The following ACSL6 variants were observed in gnomAD, a reference collection of about 807,000 sequenced individuals.
ACSL6 encodes the protein long-chain-fatty-acid--CoA ligase 6.
In ACSL6, 47 loss-of-function variants were observed where a neutral mutation model predicts 98.2. The ratio of observed to expected loss-of-function variants is 0.48; its 90% CI spans 0.38 to 0.61. The LOEUF (loss-of-function observed/expected upper bound fraction) is 0.61. Ranked by LOEUF, ACSL6 falls within the 20% of genes least tolerant of loss-of-function variation. The probability of loss-of-function intolerance (pLI) is 0.00; values close to 1 mark genes in which losing one functional copy is unlikely to be tolerated. For synonymous variants in ACSL6, 362 were observed against 336.9 expected, an observed-to-expected ratio of 1.07 and a Z score of -0.82; for missense variants, 761 against 913.4, an observed-to-expected ratio of 0.83 and a Z score of 2.15.
rs571229269 is a variant in ACSL6, at chr5:131,972,827, C to T, written c.1235G>A (p.Arg412His). Reference protein sequence around the residue: ...IFSQANTPLKRWLLEFAAKRK... With the variant: ...IFSQANTPLKHWLLEFAAKRK... ...CTTTGCTGCAAACTCCAGGAGCCAG[C>T]GCTTTAATGGTGTGTTTGCCTGGCT... is the stretch of plus-strand genomic sequence containing the variant. Residue 412 changes from arginine to histidine, a missense_variant, in exon 13 of 21, where the codon CGC becomes CAC. Transcript: ENST00000651883. The T allele has an allele frequency of 3.7e-6, 6 of 1,614,074 alleles. No individual in the cohort carries two copies. The highest frequency in any genetic ancestry group is 1.1e-5 in the South Asian group (1 of 91,086).
At chr5:131,990,042 GC>G (rs1277283816) in intron 4 of ACSL6, 57 bp downstream of exon 4, 104 of 1,578,390 alleles carry the variant, frequency 6.6e-5, no homozygotes, top group Non-Finnish European at 8.9e-5. Flanking sequence ...CTCCCTACCT[GC>G]CCTGAGTGCC....
chr5:131,976,715 G>A lies in ACSL6; in HGVS notation c.923C>T (p.Pro308Leu). ...VCFTSGTTGN[P>L]KGAMLTHGNV... ...CCCATGGGTGAGCATCGCACCTTTT[G>A]GGTTCCCTATAAAAAGAAAGCAAGA... The change falls in exon 10 of 21, where the codon CCA becomes CTA. Residue 308 changes from proline (P) to leucine (L), a missense_variant. Physicochemically the swap from Pro to Leu is moderately conservative, Grantham distance 98. Transcript: ENST00000651883. The A allele has an allele frequency of 1.9e-6, 3 of 1,614,076 alleles. No individual in the cohort carries two copies. The highest frequency in any genetic ancestry group is 2.7e-5 in the African/African-American group (2 of 75,026).
chr5:131,962,763 T>A, intron 17 of ACSL6, 85 bp from the exon 18 acceptor site: 2 of 1,494,660 alleles, frequency 1.3e-6, no homozygotes, highest in South Asian at 2.5e-5. Context: ...CTCCCTGCCC[T>A]ACCCCACCCT....
At chr5:131,970,411 ATTTT>A in intron 14 of ACSL6, among the ~76,000 whole-genome samples, 1 of 139,640 alleles carries the variant, frequency 7.2e-6, no homozygotes, top group East Asian at 2.1e-4. Flanking sequence ...AAGAAGTGCT[ATTTT>A]TTTTTTTTTT....
intron 6 of ACSL6, chr5:131,988,549 G>A (rs764630435): frequency 9.0e-6 from 14 of 1,547,288 alleles, no homozygotes; most frequent in Middle Eastern, 1.7e-4. Flanking sequence ...ACTTCAGAGG[G>A]CTGTACCCTG....
intron 1 of ACSL6, among the ~76,000 whole-genome samples, chr5:132,002,705 G>C (rs773798010): frequency 1.3e-5 from 2 of 152,200 alleles, no homozygotes; most frequent in Non-Finnish European, 2.9e-5. Flanking sequence ...GGCTATCGAA[G>C]AGGGACAGAA....
rs920733434 is a variant in ACSL6, at chr5:131,952,598, A to G, written c.*1636T>C. On this transcript the variant is annotated 3_prime_UTR_variant, in exon 21 of 21. Coordinates refer to ENST00000651883, the MANE Select transcript of ACSL6 (RefSeq NM_001009185.3). ...TGCTTTTAGAGTCTTGTCTCTACAG[A>G]AGAAAAACACGTTCCTGGGGTCCAT... 1 of 213,428 alleles carries G rather than the reference A, an allele frequency of 4.7e-6. No homozygotes were observed. The highest frequency in any genetic ancestry group is 9.5e-6 in the Non-Finnish European group (1 of 105,820). The allele number at this position is 213,428 out of a possible 1,614,324, so 13.2% of individuals were successfully genotyped here.
intron 15 of ACSL6, among the ~76,000 whole-genome samples, chr5:131,969,552 G>A (rs1343700227): frequency 2.6e-5 from 4 of 152,040 alleles, no homozygotes; most frequent in Non-Finnish European, 5.9e-5. Context: ...TACAACTCCA[G>A]ATGGAAAAAT....
intron 16 of ACSL6, among the ~76,000 whole-genome samples, chr5:131,967,433 G>A (rs1426864047): frequency 3.3e-5 from 5 of 152,018 alleles, no homozygotes; most frequent in Non-Finnish European, 7.4e-5. Context: ...GGAGGCCGAG[G>A]TGGGCGGATC....
intron 20 of ACSL6, among the ~76,000 whole-genome samples, chr5:131,958,046 G>A (rs575165116): frequency 6.6e-6 from 1 of 152,196 alleles, no homozygotes; most frequent in Non-Finnish European, 1.5e-5. Context: ...TCAAGAACTC[G>A]TCTCCTCTCA....
At position 132,011,470 on chromosome 5, in the gene ACSL6, T is replaced by C; in HGVS notation, c.49+35A>G. ...CGAAGACCTCATAGCCTGCGGGAGA[T>C]GGGAGTCCGGGACGCGGACAGGACG... is the stretch of plus-strand genomic sequence containing the variant. On this transcript the variant is annotated intron_variant, in intron 1 of 20. Transcript: ENST00000651883. This position sits in a 1 kb window ranked among gnomAD's most constrained non-coding sequence, Gnocchi z 5.4. 1.3e-6 allele frequency: 2 copies of C among 1,599,422 alleles called. No homozygotes were observed. Among genetic ancestry groups the C allele is most frequent in the Non-Finnish European group, 1.7e-6 (2 of 1,168,638 alleles).
chr5:131,976,711 T>G lies in ACSL6; in HGVS notation c.927A>C (p.Lys309Asn), dbSNP rs17854459. The stretch of plus-strand genomic sequence containing the variant: ...CGTTCCCATGGGTGAGCATCGCACC[T>G]TTTGGGTTCCCTATAAAAAGAAAGC... ...CFTSGTTGNP[K>N]GAMLTHGNVV... Residue 309 changes from lysine (K) to asparagine (N), a missense_variant, in exon 10 of 21, where the codon AAA (lysine) becomes AAC (asparagine). Lys to Asn is a moderately conservative substitution (Grantham distance 94, BLOSUM62 0). Coordinates refer to ENST00000651883, the MANE Select transcript of ACSL6 (RefSeq NM_001009185.3). 1.2e-6 allele frequency: 2 copies of G among 1,613,958 alleles called. No individual in the cohort carries two copies. The highest frequency in any genetic ancestry group is 1.7e-6 in the Non-Finnish European group (2 of 1,179,844).
intron 1 of ACSL6, among the ~76,000 whole-genome samples, chr5:131,997,343 C>A (rs1754842958): frequency 6.6e-6 from 1 of 152,220 alleles, no homozygotes; most frequent in Admixed American, 6.5e-5. Flanking sequence ...AGTAGTAGAG[C>A]ATAGACTCAA....
At chr5:131,996,128 G>A (rs1160933778) in intron 1 of ACSL6, among the ~76,000 whole-genome samples, 1 of 152,162 alleles carries the variant, frequency 6.6e-6, no homozygotes, top group Non-Finnish European at 1.5e-5. Context: ...AGCCAAGTGT[G>A]GTATTTTCAC....
At position 132,011,381 on chromosome 5, in the gene ACSL6, G is replaced by T; in HGVS notation, c.49+124C>A. The stretch of plus-strand genomic sequence containing the variant: ...TTAGGCGGCCCTGGGGACCTTGACG[G>T]GACAGCTCAGCAGCAGGGGATGGGG... On this transcript the variant is annotated intron_variant, in intron 1 of 20. Transcript: ENST00000651883. The surrounding 1 kb of genome is among the most constrained non-coding windows in gnomAD (Gnocchi z 5.4). 2 of 1,094,098 alleles carry T rather than the reference G, an allele frequency of 1.8e-6. No individual in the cohort carries two copies. Among genetic ancestry groups the T allele is most frequent in the Non-Finnish European group, 2.7e-6 (2 of 730,592 alleles). The allele number at this position is 1,094,098 out of a possible 1,614,324, so 67.8% of individuals were successfully genotyped here.
intron 9 of ACSL6, chr5:131,981,765 T>A (rs1242235714): frequency 6.6e-6 from 1 of 152,294 alleles, no homozygotes; most frequent in Non-Finnish European, 1.5e-5. Context: ...GTGAAAGAAG[T>A]GCACACATGC....
At position 132,011,425 on chromosome 5, in the gene ACSL6, T is replaced by C. The variant is rs1755722186; in HGVS notation, c.49+80A>G. On this transcript the variant is annotated intron_variant, in intron 1 of 20. Coordinates refer to ENST00000651883, the MANE Select transcript of ACSL6 (RefSeq NM_001009185.3). The surrounding 1 kb of genome is among the most constrained non-coding windows in gnomAD (Gnocchi z 5.4). Reference sequence around the variant, plus strand: ...GATGGGGGCTCGGCGGCCGCGGAGATGTAACACCTCCACCTCGGGCGAAGA... The same window carrying C: ...GATGGGGGCTCGGCGGCCGCGGAGACGTAACACCTCCACCTCGGGCGAAGA... 3 of 1,477,778 alleles carry C rather than the reference T, an allele frequency of 2.0e-6. No homozygotes were observed. Among genetic ancestry groups the C allele is most frequent in the Non-Finnish European group, 2.8e-6 (3 of 1,061,706 alleles). 91.5% of individuals were successfully genotyped at this position (1,477,778 alleles called of 1,614,324 possible).
intron 9 of ACSL6, among the ~76,000 whole-genome samples, chr5:131,981,542 T>A (rs1753895970): frequency 6.6e-6 from 1 of 152,170 alleles, no homozygotes; most frequent in South Asian, 2.1e-4. Flanking sequence ...TCTACCCTGA[T>A]TTGTAAAACC....
chr5:131,971,781 G>A (rs1303110359), intron 13 of ACSL6, 136 bp from the exon 14 acceptor site: 3 of 627,318 alleles, frequency 4.8e-6, no homozygotes, highest in Non-Finnish European at 7.9e-6. Context: ...AAGAAGGCCT[G>A]AGGTTGTACA....
Sources: gnomAD v4.1 joint callset for allele counts (sites outside exome capture counted in the v4.1 genomes callset) on GRCh38, gnomAD v4.1.1 for gene constraint, Gnocchi (gnomAD v3.1) non-coding constraint, MANE v1.5 for transcripts, NCBI Gene and HGNC (gene_info 2026-07-23, HGNC 2026-07-21) for gene names.